The following C1orf146 variants were observed in gnomAD, a reference collection of about 807,000 sequenced individuals.
The protein encoded by C1orf146 is chromosome 1 open reading frame 146.
A neutral mutation model predicts 23.0 loss-of-function variants in C1orf146; 22 were observed. That is an observed-to-expected ratio of 0.96 (90% CI 0.68 to 1.36). The LOEUF is 1.36. Ranked by LOEUF, C1orf146 falls within the 40% of genes most tolerant of loss-of-function variation. The pLI is 0.00. For missense variants in C1orf146, 199 were observed against 206.8 expected, an observed-to-expected ratio of 0.96 and a Z score of 0.23; for synonymous variants, 59 against 65.3, an observed-to-expected ratio of 0.90 and a Z score of 0.47.
At chr1:92,245,163 CAG>C (rs1396555307) in intron 5 of C1orf146, among the ~76,000 whole-genome samples, 1 of 152,252 alleles carries the variant, frequency 6.6e-6, no homozygotes, top group East Asian at 1.9e-4. Flanking sequence ...CATAAACGGT[CAG>C]AGTGCAAGCA....
At chr1:92,218,715 C>T (rs1166358182) in intron 1 of C1orf146, among the ~76,000 whole-genome samples, 1 of 152,048 alleles carries the variant, frequency 6.6e-6, no homozygotes, top group Non-Finnish European at 1.5e-5. Flanking sequence ...CCGGTCCCGT[C>T]CCCCGCGCCT....
At chr1:92,229,697 A>G (rs1652062690) in intron 1 of C1orf146, among the ~76,000 whole-genome samples, 1 of 152,230 alleles carries the variant, frequency 6.6e-6, no homozygotes, top group African/African-American at 2.4e-5. Context: ...GGAAATAATA[A>G]TTTGTGTGTA....
intron 1 of C1orf146, among the ~76,000 whole-genome samples, chr1:92,230,076 G>T (rs1170324034): frequency 1.4e-5 from 2 of 142,434 alleles, no homozygotes; most frequent in African/African-American, 5.2e-5. Context: ...TGTTGTTGTT[G>T]TTCTGCAGAA....
At chr1:92,229,118 G>A (rs772760428) in intron 1 of C1orf146, 12 of 513,248 alleles carry the variant, frequency 2.3e-5, no homozygotes, top group Non-Finnish European at 4.7e-5. Flanking sequence ...TGGAGCCGCC[G>A]ATCCACACCG....
chr1:92,245,757 CATTT>C lies in C1orf146; in HGVS notation c.*86_*89del. On this transcript the variant is annotated 3_prime_UTR_variant, in exon 6 of 6. Transcript: ENST00000370375. ...TAATATTCAAATATCTATTTAAAGA[CATTT>C]ATATTAATTTGAAATAATAACATAT... 6 of 812,408 alleles carry C rather than the reference CATTT, an allele frequency of 7.4e-6. No homozygotes were observed. The highest frequency in any genetic ancestry group is 2.3e-5 in the South Asian group (1 of 42,792). 50.3% of individuals were successfully genotyped at this position (812,408 alleles called of 1,614,324 possible). A position where few individuals can be genotyped will look rare whatever the true frequency, so the allele number is the denominator to read the frequency against.
At chr1:92,230,164 CTT>C (rs752709651) in intron 1 of C1orf146, among the ~76,000 whole-genome samples, 1 of 152,060 alleles carries the variant, frequency 6.6e-6, no homozygotes, top group Non-Finnish European at 1.5e-5. Context: ...CTGTGTACCT[CTT>C]AGAACTGCAG....
intron 1 of C1orf146, among the ~76,000 whole-genome samples, chr1:92,222,944 C>CG: frequency 6.6e-6 from 1 of 152,024 alleles, no homozygotes; most frequent in East Asian, 1.9e-4. Flanking sequence ...CTTTTGGGGG[C>CG]GGGGGTTGGC....
intron 1 of C1orf146, among the ~76,000 whole-genome samples, chr1:92,230,936 C>G (rs1652104989): frequency 6.6e-6 from 1 of 152,116 alleles, no homozygotes; most frequent in Non-Finnish European, 1.5e-5. Flanking sequence ...TGTCACCTGG[C>G]CTTTGTCCCA....
intron 1 of C1orf146, among the ~76,000 whole-genome samples, chr1:92,224,498 G>A (rs1651918637): frequency 6.6e-6 from 1 of 152,148 alleles, no homozygotes. Flanking sequence ...ACAGTTTTAT[G>A]TTTTACATGT....
intron 2 of C1orf146, among the ~76,000 whole-genome samples, chr1:92,242,000 C>T (rs543411647): frequency 6.6e-6 from 1 of 152,310 alleles, no homozygotes; most frequent in African/African-American, 2.4e-5. Flanking sequence ...ACGTAACTCA[C>T]TCCCAAACTT....
At chr1:92,218,962 C>T (rs1344589015) in intron 1 of C1orf146, among the ~76,000 whole-genome samples, 4 of 152,192 alleles carry the variant, frequency 2.6e-5, no homozygotes, top group Admixed American at 6.5e-5. Flanking sequence ...ACTGACCCCA[C>T]TCCTTTCTCA....
At chr1:92,227,755 T>C (rs1652004460) in intron 1 of C1orf146, among the ~76,000 whole-genome samples, 1 of 152,184 alleles carries the variant, frequency 6.6e-6, no homozygotes, top group South Asian at 2.1e-4. Context: ...CTAGCTACCA[T>C]GTTTCTATTG....
At chr1:92,233,799 G>A (rs1440827655) in intron 2 of C1orf146, among the ~76,000 whole-genome samples, 4 of 152,256 alleles carry the variant, frequency 2.6e-5, no homozygotes, top group Admixed American at 2.6e-4. Context: ...GCAGTGGTTT[G>A]TAGTTCTCCT....
At chr1:92,235,801 G>T (rs1400582525) in intron 2 of C1orf146, among the ~76,000 whole-genome samples, 2 of 152,116 alleles carry the variant, frequency 1.3e-5, no homozygotes, top group African/African-American at 2.4e-5. Flanking sequence ...CTCCTGTATT[G>T]GGTGCATATA....
chr1:92,221,446 A>G (rs1401662929), intron 1 of C1orf146, among the ~76,000 whole-genome samples: 1 of 152,230 alleles, frequency 6.6e-6, no homozygotes, highest in Non-Finnish European at 1.5e-5. Flanking sequence ...CAATATACCC[A>G]TGAAACAAAC....
chr1:92,237,104 C>G (rs1435961955), intron 2 of C1orf146, among the ~76,000 whole-genome samples: 1 of 152,228 alleles, frequency 6.6e-6, no homozygotes, highest in Non-Finnish European at 1.5e-5. Context: ...CTTCTCTCAA[C>G]TCGTTAAAGT....
chr1:92,233,430 C>G (rs533524290), intron 2 of C1orf146, among the ~76,000 whole-genome samples: 34 of 152,096 alleles, frequency 2.2e-4, no homozygotes, highest in African/African-American at 7.0e-4. Context: ...AGATATGCGG[C>G]GTTATTTCTG....
Position 92,244,213 on chromosome 1 carries a change from C to G in C1orf146, c.161-4C>G. ...ACATTTTATATTCAATTCACCTTTC[C>G]TAGGAGTTGCATTTTTATTAATGGA... is the stretch of plus-strand genomic sequence containing the variant. On this transcript the variant is annotated splice_polypyrimidine_tract_variant and splice_region_variant and intron_variant, in intron 3 of 5. Transcript: ENST00000370375. The G allele has an allele frequency of 6.4e-7, 1 of 1,571,680 alleles. No individual in the cohort carries two copies. The highest frequency in any genetic ancestry group is 8.7e-7 in the Non-Finnish European group (1 of 1,154,170).
At chr1:92,231,034 T>C (rs1282811209) in intron 1 of C1orf146, among the ~76,000 whole-genome samples, 2 of 152,186 alleles carry the variant, frequency 1.3e-5, no homozygotes, top group African/African-American at 4.8e-5. Flanking sequence ...TGAAAAACTG[T>C]CCTTTGTCTC....
Sources: allele counts gnomAD v4.1 joint callset (sites outside exome capture counted in the v4.1 genomes callset), GRCh38; gene constraint gnomAD v4.1.1; transcripts MANE v1.5; gene names NCBI Gene and HGNC (gene_info 2026-07-23, HGNC 2026-07-21).